Variants in DYNC1I1 observed in about 807,000 individuals in gnomAD.
The protein encoded by DYNC1I1 is cytoplasmic dynein 1 intermediate chain 1.
In DYNC1I1, 43 loss-of-function variants were observed where a neutral mutation model predicts 86.6. The ratio of observed to expected loss-of-function variants is 0.50; its 90% CI spans 0.39 to 0.64. DYNC1I1 has a LOEUF of 0.64. Ranked by LOEUF, DYNC1I1 falls within the 30% of genes least tolerant of loss-of-function variation. The probability of loss-of-function intolerance (pLI) is 0.00; values close to 1 mark genes in which losing one functional copy is unlikely to be tolerated. For synonymous variants in DYNC1I1, 262 were observed against 283.7 expected, an observed-to-expected ratio of 0.92 and a Z score of 0.77; for missense variants, 604 against 788.8, an observed-to-expected ratio of 0.77 and a Z score of 2.81.
chr7:96,098,233 T>C lies in DYNC1I1; in HGVS notation c.*640T>C. ...AGCAATTACAGTATGCCAGTTCCAC[T>C]GAAGACATGAAATCTTTAGAGGTTT... On this transcript the variant is annotated 3_prime_UTR_variant, in exon 17 of 17. Transcript: ENST00000447467. 7 of 985,910 alleles carry C rather than the reference T, an allele frequency of 7.1e-6. No homozygotes were observed. The highest frequency in any genetic ancestry group is 8.4e-6 in the Non-Finnish European group (7 of 829,936). 61.1% of individuals were successfully genotyped at this position (985,910 alleles called of 1,614,324 possible). A position where few individuals can be genotyped will look rare whatever the true frequency, so the allele number is the denominator to read the frequency against.
chr7:96,033,632 A>T (rs904640601), intron 12 of DYNC1I1, among the ~76,000 whole-genome samples: 1 of 152,234 alleles, frequency 6.6e-6, no homozygotes, highest in Non-Finnish European at 1.5e-5. Flanking sequence ...ATAATTCTCA[A>T]TGTTAACATT....
chr7:95,859,579 G>C (rs1052429287), intron 5 of DYNC1I1, among the ~76,000 whole-genome samples: 1 of 152,120 alleles, frequency 6.6e-6, no homozygotes, highest in African/African-American at 2.4e-5. Context: ...CATGAAGCCT[G>C]AGGCGGCTTC....
chr7:95,885,330 G>A (rs1002520059), intron 6 of DYNC1I1, among the ~76,000 whole-genome samples: 2 of 151,620 alleles, frequency 1.3e-5, no homozygotes, highest in African/African-American at 2.4e-5. Context: ...ACCACACCTG[G>A]CCAATTTTTT....
Position 95,977,612 on chromosome 7 carries a change from GA to G in DYNC1I1, c.580+15del, listed in dbSNP as rs1209784451. 4.4e-6 allele frequency: 7 copies of G among 1,608,026 alleles called. No homozygotes were observed. In the Admixed American group the frequency reaches 6.8e-5, roughly 16 times the overall value. ...AGGAAGTGAAGGAAGGTATGATATG[GA>G]AAATAAACTGAGTAATCATTTTATT... On this transcript the variant is annotated intron_variant, in intron 7 of 16. Coordinates refer to ENST00000447467, the MANE Select transcript of DYNC1I1 (RefSeq NM_001135556.2).
At chr7:95,781,864 AG>A (rs1026585779) in intron 1 of DYNC1I1, among the ~76,000 whole-genome samples, 1 of 152,192 alleles carries the variant, frequency 6.6e-6, no homozygotes, top group African/African-American at 2.4e-5. Flanking sequence ...GGGTGCTTGA[AG>A]ATGTCAACGC....
intron 6 of DYNC1I1, among the ~76,000 whole-genome samples, chr7:95,878,353 T>C (rs891498419): frequency 2.6e-5 from 4 of 151,438 alleles, no homozygotes; most frequent in African/African-American, 7.3e-5. Flanking sequence ...TTTCACCAAA[T>C]AGAGAATGTC....
chr7:95,859,368 G>T (rs1789814690), intron 5 of DYNC1I1, among the ~76,000 whole-genome samples: 1 of 152,104 alleles, frequency 6.6e-6, no homozygotes, highest in Non-Finnish European at 1.5e-5. Flanking sequence ...GGAATGTCAT[G>T]TTTGCCTGAT....
At chr7:95,967,260 G>T (rs759039768) in intron 6 of DYNC1I1, among the ~76,000 whole-genome samples, 1 of 152,092 alleles carries the variant, frequency 6.6e-6, no homozygotes, top group African/African-American at 2.4e-5. Context: ...ATGAACAAAA[G>T]GTTGTAGGAA....
At chr7:95,780,055 G>C (rs1441388678) in intron 1 of DYNC1I1, among the ~76,000 whole-genome samples, 1 of 152,152 alleles carries the variant, frequency 6.6e-6, no homozygotes, top group African/African-American at 2.4e-5. Context: ...GCTTTGGTCT[G>C]ACACTGTCCG....
At chr7:95,926,535 G>C (rs1297826116) in intron 6 of DYNC1I1, among the ~76,000 whole-genome samples, 1 of 151,946 alleles carries the variant, frequency 6.6e-6, no homozygotes, top group Non-Finnish European at 1.5e-5. Flanking sequence ...GAATTATAAG[G>C]GTTTTGTTTT....
chr7:95,812,006 G>A (rs1364342061), intron 3 of DYNC1I1, among the ~76,000 whole-genome samples: 2 of 152,086 alleles, frequency 1.3e-5, no homozygotes, highest in African/African-American at 4.8e-5. Context: ...AAGTATCCTT[G>A]CATTACTGCC....
chr7:95,809,486 G>C (rs545451188), intron 2 of DYNC1I1, among the ~76,000 whole-genome samples: 1 of 152,144 alleles, frequency 6.6e-6, no homozygotes, highest in South Asian at 2.1e-4. Flanking sequence ...ACACATCAAC[G>C]TGATGTTATC....
chr7:95,899,229 T>A (rs1392920868), intron 6 of DYNC1I1, among the ~76,000 whole-genome samples: 1 of 152,152 alleles, frequency 6.6e-6, no homozygotes, highest in East Asian at 1.9e-4. Context: ...GTCAAAGCAA[T>A]GGGGAAGGGA....
chr7:95,956,140 G>A (rs942106081), intron 6 of DYNC1I1, among the ~76,000 whole-genome samples: 3 of 152,150 alleles, frequency 2.0e-5, no homozygotes, highest in South Asian at 2.1e-4. Context: ...TCCTAGCCAT[G>A]TTCCAGTTTC....
chr7:96,048,305 G>A (rs1280457422), intron 14 of DYNC1I1, among the ~76,000 whole-genome samples: 3 of 152,190 alleles, frequency 2.0e-5, no homozygotes, highest in Non-Finnish European at 4.4e-5. Flanking sequence ...GGAATCTCCT[G>A]AATCTGACAT....
intron 1 of DYNC1I1, among the ~76,000 whole-genome samples, chr7:95,786,890 A>G (rs970698972): frequency 2.0e-5 from 3 of 152,144 alleles, no homozygotes; most frequent in South Asian, 2.1e-4. Flanking sequence ...CTGTATATGG[A>G]CATGTGTGTG....
chr7:95,796,991 C>T (rs74924089), intron 1 of DYNC1I1, among the ~76,000 whole-genome samples: 4,845 of 151,908 alleles, frequency 0.032, 248 homozygotes, highest in African/African-American at 0.11. Context: ...TAGTAGTGGC[C>T]CAAATTTCAC....
chr7:95,943,033 C>A (rs1792280846), intron 6 of DYNC1I1, among the ~76,000 whole-genome samples: 1 of 113,092 alleles, frequency 8.8e-6, no homozygotes, highest in Non-Finnish European at 1.8e-5. Context: ...GGCAATTAGG[C>A]AGGAGAAGGA....
intron 5 of DYNC1I1, among the ~76,000 whole-genome samples, chr7:95,842,657 A>G (rs1789318246): frequency 6.6e-6 from 1 of 152,164 alleles, no homozygotes; most frequent in African/African-American, 2.4e-5. Context: ...AATGAAGGAA[A>G]AAACAAGGTT....
Sources: allele counts gnomAD v4.1 joint callset (sites outside exome capture counted in the v4.1 genomes callset), GRCh38; gene constraint gnomAD v4.1.1; transcripts MANE v1.5; gene names NCBI Gene and HGNC (gene_info 2026-07-23, HGNC 2026-07-21).